LTBP1: variants seen among roughly 807,000 people sequenced by gnomAD.
The protein encoded by LTBP1 is latent-transforming growth factor beta-binding protein 1.
A neutral mutation model predicts 207.6 loss-of-function variants in LTBP1; 129 were observed. The observed-to-expected ratio is 0.62, with a 90% CI of 0.54 to 0.72. The LOEUF (loss-of-function observed/expected upper bound fraction) is 0.72, where lower values mean the gene tolerates loss of function less well. Ranked by LOEUF, LTBP1 falls within the 30% of genes least tolerant of loss-of-function variation. The probability of loss-of-function intolerance (pLI) is 0.00; values close to 1 mark genes in which losing one functional copy is unlikely to be tolerated. For missense variants in LTBP1, 2,281 were observed against 2,217.2 expected (o/e 1.03, Z -0.58); for synonymous variants, 963 against 833.7 (o/e 1.16, Z -2.67).
chr2:33,198,366 G>T (rs1017023573), intron 7 of LTBP1, among the ~76,000 whole-genome samples: 1 of 151,938 alleles, frequency 6.6e-6, no homozygotes, highest in African/African-American at 2.4e-5. Flanking sequence ...TCTCTTTTTT[G>T]GTTGTGTCTC....
At chr2:33,039,864 A>T (rs1470823160) in intron 3 of LTBP1, among the ~76,000 whole-genome samples, 1 of 152,180 alleles carries the variant, frequency 6.6e-6, no homozygotes, top group Non-Finnish European at 1.5e-5. Flanking sequence ...GGGAAAGCTG[A>T]TAATGGTTGC....
chr2:33,271,404 T>A (rs971423265), intron 15 of LTBP1, among the ~76,000 whole-genome samples: 1 of 151,818 alleles, frequency 6.6e-6, no homozygotes, highest in Middle Eastern at 3.2e-3. Flanking sequence ...ACCCAAGAAA[T>A]CTAAACACCA....
chr2:33,113,133 TG>T (rs2080512919), intron 4 of LTBP1, among the ~76,000 whole-genome samples: 1 of 152,190 alleles, frequency 6.6e-6, no homozygotes, highest in African/African-American at 2.4e-5. Context: ...GAGAAGCGGT[TG>T]AAAACTAGAG....
chr2:33,263,572 A>C (rs953814295), intron 15 of LTBP1, among the ~76,000 whole-genome samples, 180 bp downstream of exon 15: 3 of 152,242 alleles, frequency 2.0e-5, no homozygotes, highest in African/African-American at 7.2e-5. Context: ...ATTATAGTAT[A>C]TATGAAACAG....
chr2:33,249,586 T>C (rs747867273), intron 10 of LTBP1, among the ~76,000 whole-genome samples: 1 of 152,238 alleles, frequency 6.6e-6, no homozygotes, highest in Non-Finnish European at 1.5e-5. Flanking sequence ...TTTGGTACTA[T>C]ACTTGGGTAC....
chr2:33,257,882 A>G (rs935056239), intron 12 of LTBP1, among the ~76,000 whole-genome samples: 3 of 152,246 alleles, frequency 2.0e-5, no homozygotes, highest in Non-Finnish European at 4.4e-5. Flanking sequence ...GAATCCACAG[A>G]CTTTCAAAAA....
At position 33,398,262 on chromosome 2, in the gene LTBP1, C is replaced by A. The variant is rs2095377890; in HGVS notation, c.4985-102C>A. 26 of 1,053,812 alleles carry A rather than the reference C, an allele frequency of 2.5e-5. 1 individual carries two copies. The South Asian group carries it at 4.1e-4, about 17-fold the overall frequency. 65.3% of individuals were successfully genotyped at this position (1,053,812 alleles called of 1,614,324 possible). On this transcript the variant is annotated intron_variant, in intron 33 of 33. Transcript: ENST00000404816. The stretch of plus-strand genomic sequence containing the variant: ...GACTGAAGCAATGACGAGAAAGCTT[C>A]CTTGGGGTGGTCGGGGGAAGGGCCT...
chr2:32,991,673 G>C (rs1001368034), intron 2 of LTBP1, among the ~76,000 whole-genome samples: 4 of 152,148 alleles, frequency 2.6e-5, no homozygotes, highest in African/African-American at 9.7e-5. Flanking sequence ...ATCTTCAGTG[G>C]GCGTCCTCAA....
At chr2:33,268,451 A>G (rs932821670) in intron 15 of LTBP1, among the ~76,000 whole-genome samples, 3 of 152,326 alleles carry the variant, frequency 2.0e-5, no homozygotes, top group East Asian at 3.9e-4. Context: ...GTGAAATTGG[A>G]AGTAGCCTTT....
chr2:33,255,659 G>A (rs931033435), intron 11 of LTBP1, among the ~76,000 whole-genome samples: 4 of 152,146 alleles, frequency 2.6e-5, no homozygotes, highest in African/African-American at 9.7e-5. Context: ...CTGGAAACAT[G>A]TTTCCAAGTA....
chr2:33,259,495 G>C (rs1046353995), intron 12 of LTBP1, 93 bp from the exon 13 acceptor site: 2 of 882,236 alleles, frequency 2.3e-6, no homozygotes, highest in Admixed American at 2.5e-5. Flanking sequence ...CTTTTGCAGA[G>C]ATAATGGACT....
chr2:33,291,231 T>C (rs1325838330), intron 19 of LTBP1, among the ~76,000 whole-genome samples: 1 of 152,252 alleles, frequency 6.6e-6, no homozygotes, highest in Non-Finnish European at 1.5e-5. Context: ...AGAAGTTTTA[T>C]AAGTATCTCC....
intron 4 of LTBP1, among the ~76,000 whole-genome samples, chr2:33,133,092 A>T (rs2081916812): frequency 6.6e-6 from 1 of 152,202 alleles, no homozygotes; most frequent in Admixed American, 6.5e-5. Context: ...GATACGTGGA[A>T]TGCAAACAGT....
intron 8 of LTBP1, among the ~76,000 whole-genome samples, 195 bp downstream of exon 8, chr2:33,217,849 C>T (rs1252400740): frequency 6.6e-6 from 1 of 152,056 alleles, no homozygotes; most frequent in Non-Finnish European, 1.5e-5. Flanking sequence ...TTGTAATAAG[C>T]ACAGTTATTA....
intron 24 of LTBP1, among the ~76,000 whole-genome samples, chr2:33,324,957 G>A (rs569968628): frequency 5.6e-4 from 85 of 152,046 alleles, no homozygotes; most frequent in African/African-American, 1.6e-3. Context: ...CACCCACCTC[G>A]GCCTCCCAAA....
At chr2:32,971,303 C>T (rs1206488977) in intron 2 of LTBP1, among the ~76,000 whole-genome samples, 3 of 152,232 alleles carry the variant, frequency 2.0e-5, no homozygotes, top group African/African-American at 2.4e-5. Context: ...TGCCTGATTT[C>T]TCTGGCTAAG....
At chr2:33,199,306 G>A (rs2088936437) in intron 7 of LTBP1, among the ~76,000 whole-genome samples, 2 of 152,164 alleles carry the variant, frequency 1.3e-5, no homozygotes, top group Admixed American at 1.3e-4. Flanking sequence ...GCCAAGGAGA[G>A]CTTTACTTCC....
chr2:33,050,154 C>CTTTT (rs11318614), intron 3 of LTBP1, among the ~76,000 whole-genome samples: 1 of 126,268 alleles, frequency 7.9e-6, no homozygotes, highest in Non-Finnish European at 1.7e-5. Context: ...CTTTTCTTTT[C>CTTTT]TTTTTTTTTT....
intron 7 of LTBP1, among the ~76,000 whole-genome samples, chr2:33,196,599 T>C (rs560969038): frequency 6.6e-6 from 1 of 152,132 alleles, no homozygotes; most frequent in Non-Finnish European, 1.5e-5. Context: ...TTACAGGCTG[T>C]TGTGAAGACA....
Sources: allele counts gnomAD v4.1 joint callset (sites outside exome capture counted in the v4.1 genomes callset), GRCh38; gene constraint gnomAD v4.1.1; transcripts MANE v1.5; gene names NCBI Gene and HGNC (gene_info 2026-07-23, HGNC 2026-07-21).